Variants in CXADR observed in about 807,000 individuals in gnomAD.
CXADR encodes coxsackievirus and adenovirus receptor.
In CXADR, 20 loss-of-function variants were observed where a neutral mutation model predicts 40.3. The ratio of observed to expected loss-of-function variants is 0.50; its 90% CI spans 0.35 to 0.72. CXADR has a LOEUF of 0.72. Among genes scored for constraint, CXADR ranks in the 30% least tolerant of loss-of-function variants. CXADR has a pLI of 0.01. For missense variants in CXADR, 332 were observed against 449.1 expected, an observed-to-expected ratio of 0.74 and a Z score of 2.36; for synonymous variants, 150 against 161.3, an observed-to-expected ratio of 0.93 and a Z score of 0.53.
At chr21:17,535,265 C>T (rs370902703) in intron 1 of CXADR, among the ~76,000 whole-genome samples, 64 of 152,072 alleles carry the variant, frequency 4.2e-4, no homozygotes, top group African/African-American at 1.5e-3. Flanking sequence ...TAGCTGGGAC[C>T]ACAGGCGTGC....
intron 7 of CXADR, among the ~76,000 whole-genome samples, chr21:17,592,125 A>T (rs1183914906): frequency 6.6e-6 from 1 of 151,886 alleles, no homozygotes; most frequent in Non-Finnish European, 1.5e-5. Flanking sequence ...CTAATTAAGG[A>T]GATTTTGTAG....
the CXADR span, among the ~76,000 whole-genome samples, chr21:17,629,536 GCCTGGGAACAGAGTGAGACCCTGT>G: frequency 6.6e-6 from 1 of 152,270 alleles, no homozygotes; most frequent in Admixed American, 6.5e-5. Context: ...CTGCACTCCA[GCCTGGGAACAGAGTGAGACCCTGT>G]CTCAAACAAA....
chr21:17,513,256 G>GCCTCAGCCTCCT, intron 1 of CXADR, 84 bp downstream of exon 1: 1 of 1,262,920 alleles, frequency 7.9e-7, no homozygotes, highest in Non-Finnish European at 1.0e-6. Flanking sequence ...AATGGGGCGT[G>GCCTCAGCCTCCT]GGGGAGGGGG....
chr21:17,554,534 A>C (rs1406359256), intron 3 of CXADR, among the ~76,000 whole-genome samples: 1 of 152,148 alleles, frequency 6.6e-6, no homozygotes, highest in Non-Finnish European at 1.5e-5. Context: ...AAAGCAGGGA[A>C]GTGATTGCCG....
chr21:17,593,028 T>C (rs892452820), intron 7 of CXADR: 14 of 839,184 alleles, frequency 1.7e-5, no homozygotes, highest in Non-Finnish European at 2.1e-5. Context: ...AGTCAAATAA[T>C]TTAAGACTGC....
the CXADR span, among the ~76,000 whole-genome samples, chr21:17,624,681 T>A: frequency 6.6e-6 from 1 of 152,188 alleles, no homozygotes; most frequent in Non-Finnish European, 1.5e-5. Context: ...CTGCAATTTC[T>A]TTGCCACATA....
Position 17,579,432 on chromosome 21 carries a change from A to C in CXADR, c.1018-13720A>C, listed in dbSNP as rs555696408. On this transcript the variant is annotated intron_variant, in intron 7 of 7. Transcript: ENST00000400169. ...CCCGAGTAGCTGGGACTACAGGTGC[A>C]TGCCACCACACCCAGCTAATTTTTT... is the stretch of plus-strand genomic sequence containing the variant. Among the ~76,000 whole-genome samples, 60 of 151,934 alleles carry C rather than the reference A, an allele frequency of 3.9e-4. 1 individual carries two copies. Among genetic ancestry groups the C allele is most frequent in the South Asian group, 4.2e-4 (2 of 4,818 alleles).
At chr21:17,518,161 G>A (rs921025438) in intron 1 of CXADR, among the ~76,000 whole-genome samples, 3 of 152,036 alleles carry the variant, frequency 2.0e-5, no homozygotes, top group Non-Finnish European at 4.4e-5. Flanking sequence ...ATTTCTACTG[G>A]GGAGGGAGGA....
intron 1 of CXADR, among the ~76,000 whole-genome samples, chr21:17,542,870 C>G (rs2824340): frequency 0.21 from 32,596 of 152,126 alleles, 3,646 homozygotes; most frequent in African/African-American, 0.26. Flanking sequence ...GGGCCGCTGT[C>G]TGAGACCAAG....
Position 17,567,116 on chromosome 21 carries a change from T to TTA in CXADR, c.*1427_*1428dup, listed in dbSNP as rs2061220028. On this transcript the variant is annotated 3_prime_UTR_variant, in exon 7 of 7. Coordinates refer to ENST00000284878, the MANE Select transcript of CXADR (RefSeq NM_001338.5). Reference sequence around the variant, plus strand: ...ACAGTAGAATGAGCCAACAGTTTCTTTATAATAAATACGGTCTGCAATAAA... The same window carrying TTA: ...ACAGTAGAATGAGCCAACAGTTTCTTTATATAATAAATACGGTCTGCAATAAA... 2 of 983,660 alleles carry TTA rather than the reference T, an allele frequency of 2.0e-6. No individual in the cohort carries two copies. The highest frequency in any genetic ancestry group is 2.4e-6 in the Non-Finnish European group (2 of 828,480). 60.9% of individuals were successfully genotyped at this position (983,660 alleles called of 1,614,324 possible).
At chr21:17,546,955 A>G (rs2060904616) in intron 1 of CXADR, 72 bp from the exon 2 acceptor site, 6 of 1,558,730 alleles carry the variant, frequency 3.8e-6, no homozygotes, top group Non-Finnish European at 4.4e-6. Flanking sequence ...CTGCTTCTGA[A>G]TGGCTGCGGG....
chr21:17,536,826 A>G (rs2060765127), intron 1 of CXADR, among the ~76,000 whole-genome samples: 1 of 151,974 alleles, frequency 6.6e-6, no homozygotes. Flanking sequence ...GTGTGATCTC[A>G]GCTCACTGCA....
intron 1 of CXADR, among the ~76,000 whole-genome samples, chr21:17,523,314 T>A (rs2060554492): frequency 6.6e-6 from 1 of 152,148 alleles, no homozygotes; most frequent in African/African-American, 2.4e-5. Flanking sequence ...TAGACAGGAA[T>A]TCATGTTTGT....
intron 1 of CXADR, chr21:17,518,915 C>A: frequency 6.3e-7 from 1 of 1,589,616 alleles, no homozygotes; most frequent in East Asian, 2.2e-5. Flanking sequence ...GTTTTATGTA[C>A]CACCTTCTTT....
the CXADR span, chr21:17,612,459 T>C: frequency 1.3e-5 from 2 of 152,046 alleles, no homozygotes; most frequent in African/African-American, 4.8e-5. Flanking sequence ...CGGCGTCTTT[T>C]TCCTCAGGCG....
At chr21:17,629,054 A>G in the CXADR span, among the ~76,000 whole-genome samples, 1 of 152,136 alleles carries the variant, frequency 6.6e-6, no homozygotes, top group Non-Finnish European at 1.5e-5. Flanking sequence ...GACATATACA[A>G]TTAACCATCA....
the CXADR span, among the ~76,000 whole-genome samples, chr21:17,619,769 G>T: frequency 8.8e-6 from 1 of 113,502 alleles, no homozygotes; most frequent in Non-Finnish European, 2.0e-5. Flanking sequence ...TTCTTAGCTA[G>T]ATCTTCTGGA....
At chr21:17,582,731 G>A (rs2061370094) in intron 7 of CXADR, among the ~76,000 whole-genome samples, 1 of 152,114 alleles carries the variant, frequency 6.6e-6, no homozygotes, top group African/African-American at 2.4e-5. Context: ...ATTTATCTTT[G>A]GTTTCTTCAA....
At chr21:17,583,902 G>A (rs567918428) in intron 7 of CXADR, among the ~76,000 whole-genome samples, 3 of 152,110 alleles carry the variant, frequency 2.0e-5, no homozygotes, top group Non-Finnish European at 2.9e-5. Flanking sequence ...GGCTGCCTAC[G>A]GGTGTAGTAA....
Sources: gnomAD v4.1 joint callset for allele counts (sites outside exome capture counted in the v4.1 genomes callset) on GRCh38, gnomAD v4.1.1 for gene constraint, MANE v1.5 for transcripts, NCBI Gene and HGNC (gene_info 2026-07-23, HGNC 2026-07-21) for gene names.